SPTLC1: variants seen among roughly 807,000 people sequenced by gnomAD.
The protein encoded by SPTLC1 is serine palmitoyltransferase long chain base subunit 1.
A neutral mutation model predicts 68.9 loss-of-function variants in SPTLC1; 55 were observed. The ratio of observed to expected loss-of-function variants is 0.80; its 90% CI spans 0.64 to 1.00. The LOEUF is 1.00. Ranked by LOEUF, SPTLC1 falls within the 50% of genes least tolerant of loss-of-function variation. SPTLC1 has a pLI of 0.00. For missense variants in SPTLC1, 449 were observed against 573.1 expected (o/e 0.78, Z 2.21); for synonymous variants, 197 against 201.6 (o/e 0.98, Z 0.19).
rs1460022995 is a variant in SPTLC1 at position 92,085,086 on chromosome 9, T to G, written c.261-4123A>C. Among the ~76,000 whole-genome samples the G allele has an allele frequency of 6.0e-3, 909 of 151,490 alleles. 2 individuals are homozygous for G. The highest frequency in any genetic ancestry group is 9.4e-3 in the Non-Finnish European group (634 of 67,584). ...TGTATTTCTGTGGGATCAGTGGTGA[T>G]ATCCCCTTTATCATTTTTTATTGCA... On this transcript the variant is annotated intron_variant, in intron 3 of 14. Coordinates refer to ENST00000262554, the MANE Select transcript of SPTLC1 (RefSeq NM_006415.4).
chr9:92,056,891 AAT>A (rs554928828), intron 7 of SPTLC1, among the ~76,000 whole-genome samples: 17 of 152,336 alleles, frequency 1.1e-4, no homozygotes, highest in African/African-American at 4.1e-4. Context: ...GGGAGCTAGC[AAT>A]ATGTTAGAAG....
At chr9:92,034,096 T>C (rs1221115510) in intron 14 of SPTLC1, among the ~76,000 whole-genome samples, 1 of 152,170 alleles carries the variant, frequency 6.6e-6, no homozygotes, top group Non-Finnish European at 1.5e-5. Context: ...CCTCATCTGA[T>C]GGAAAGCCAC....
At chr9:92,071,761 T>C (rs1159892915) in intron 5 of SPTLC1, among the ~76,000 whole-genome samples, 2 of 152,172 alleles carry the variant, frequency 1.3e-5, no homozygotes, top group African/African-American at 4.8e-5. Flanking sequence ...CCAGAAAATC[T>C]GGGACAACAG....
chr9:92,046,167 C>T (rs887603157), intron 11 of SPTLC1, 114 bp from the exon 12 acceptor site: 14 of 922,548 alleles, frequency 1.5e-5, no homozygotes, highest in African/African-American at 5.0e-5. Flanking sequence ...ACAAATCCTT[C>T]TACATACTAA....
At chr9:92,039,175 A>T (rs1025131743) in intron 12 of SPTLC1, among the ~76,000 whole-genome samples, 4 of 152,014 alleles carry the variant, frequency 2.6e-5, no homozygotes, top group Non-Finnish European at 5.9e-5. Context: ...TACCAAACAT[A>T]CCTTATATTT....
At chr9:92,060,926 A>C (rs1337383004) in intron 6 of SPTLC1, among the ~76,000 whole-genome samples, 2 of 150,900 alleles carry the variant, frequency 1.3e-5, no homozygotes, top group Admixed American at 6.6e-5. Flanking sequence ...AAAAAAAAAA[A>C]CAAAGAAAAA....
intron 12 of SPTLC1, among the ~76,000 whole-genome samples, chr9:92,042,975 T>C (rs1833402345): frequency 6.6e-6 from 1 of 152,222 alleles, no homozygotes; most frequent in South Asian, 2.1e-4. Flanking sequence ...AACTGAAATA[T>C]TCTTCTCTTG....
Position 92,047,726 on chromosome 9 carries a change from G to C in SPTLC1, c.889-18C>G, listed in dbSNP as rs578230561. Reference sequence around the variant, plus strand: ...TCATCAATCTGCCGGAAAAGGAGGAGTGACAGTTATTCCACAGTTTAAAGA... The same window carrying C: ...TCATCAATCTGCCGGAAAAGGAGGACTGACAGTTATTCCACAGTTTAAAGA... On this transcript the variant is annotated intron_variant, in intron 9 of 14. Coordinates refer to ENST00000262554, the MANE Select transcript of SPTLC1 (RefSeq NM_006415.4). The C allele has an allele frequency of 5.1e-6, 8 of 1,569,296 alleles. No homozygotes were observed. The highest frequency in any genetic ancestry group is 7.0e-6 in the Non-Finnish European group (8 of 1,140,524).
intron 3 of SPTLC1, among the ~76,000 whole-genome samples, chr9:92,090,646 CT>C (rs1364309831): frequency 6.6e-6 from 1 of 150,812 alleles, no homozygotes; most frequent in Non-Finnish European, 1.5e-5. Flanking sequence ...ACAGGAATTA[CT>C]TATGTTAAGC....
At chr9:92,079,510 T>C in intron 5 of SPTLC1, 2 of 1,613,868 alleles carry the variant, frequency 1.2e-6, no homozygotes, top group Non-Finnish European at 1.7e-6. Flanking sequence ...AAATATTTAG[T>C]TGGCCTGTTC....
chr9:92,086,962 A>G (rs1217103863), intron 3 of SPTLC1, among the ~76,000 whole-genome samples: 10 of 151,996 alleles, frequency 6.6e-5, no homozygotes, highest in Admixed American at 6.5e-4. Flanking sequence ...TTTTTTCTCT[A>G]AACTTCCCTT....
At chr9:92,041,940 A>C (rs1319131581) in intron 12 of SPTLC1, among the ~76,000 whole-genome samples, 1 of 152,218 alleles carries the variant, frequency 6.6e-6, no homozygotes, top group Non-Finnish European at 1.5e-5. Context: ...TTTAGGAATC[A>C]TTTAGCCAGG....
At chr9:92,082,221 A>C (rs947310587) in intron 3 of SPTLC1, among the ~76,000 whole-genome samples, 2 of 152,010 alleles carry the variant, frequency 1.3e-5, no homozygotes, top group African/African-American at 4.8e-5. Context: ...TAAGGCTTCA[A>C]GGGCTTCTCT....
intron 9 of SPTLC1, among the ~76,000 whole-genome samples, chr9:92,048,495 G>A (rs1421862066): frequency 6.6e-6 from 1 of 152,142 alleles, no homozygotes; most frequent in Non-Finnish European, 1.5e-5. Flanking sequence ...CTTTCATTAT[G>A]AAAAATTTCA....
At chr9:92,042,874 C>A (rs1833398899) in intron 12 of SPTLC1, among the ~76,000 whole-genome samples, 1 of 152,170 alleles carries the variant, frequency 6.6e-6, no homozygotes, top group African/African-American at 2.4e-5. Context: ...AAATGGGAAC[C>A]TGGTATATGA....
intron 11 of SPTLC1, 143 bp downstream of exon 11, chr9:92,047,029 A>C: frequency 1.3e-6 from 1 of 744,536 alleles, no homozygotes; most frequent in Non-Finnish European, 2.4e-6. Flanking sequence ...TAGCTTCTTC[A>C]CTGCCATTCT....
chr9:92,091,620 T>C, intron 3 of SPTLC1, among the ~76,000 whole-genome samples: 1 of 152,208 alleles, frequency 6.6e-6, no homozygotes, highest in East Asian at 1.9e-4. Context: ...TCCCTTTAAA[T>C]TTACATATCA....
intron 3 of SPTLC1, among the ~76,000 whole-genome samples, chr9:92,103,413 G>A (rs1412510998): frequency 4.6e-5 from 7 of 152,166 alleles, no homozygotes; most frequent in Admixed American, 2.0e-4. Context: ...AAGTACCCCA[G>A]AACTACAGGA....
At chr9:92,100,873 T>G (rs1445809155) in intron 3 of SPTLC1, among the ~76,000 whole-genome samples, 1 of 149,622 alleles carries the variant, frequency 6.7e-6, no homozygotes, top group African/African-American at 2.5e-5. Flanking sequence ...AAAGCACAGA[T>G]ATTACACTAC....
Sources: gnomAD v4.1 joint callset for allele counts (sites outside exome capture counted in the v4.1 genomes callset) on GRCh38, gnomAD v4.1.1 for gene constraint, MANE v1.5 for transcripts, NCBI Gene and HGNC (gene_info 2026-07-23, HGNC 2026-07-21) for gene names.